DTD1: variants seen among roughly 807,000 people sequenced by gnomAD.
DTD1 encodes D-aminoacyl-tRNA deacylase 1, also known as D-tyrosyl-tRNA deacylase 1 homolog.
DTD1 carries 13 observed loss-of-function variants against 25.6 expected under a neutral mutation model. The observed-to-expected ratio is 0.51, with a 90% CI of 0.33 to 0.81. The LOEUF (loss-of-function observed/expected upper bound fraction) is 0.81. Among genes scored for constraint, DTD1 ranks in the 30% least tolerant of loss-of-function variants. DTD1 has a pLI of 0.02. For synonymous variants in DTD1, 110 were observed against 103.6 expected (o/e 1.06, Z -0.37); for missense variants, 193 against 266.4 (o/e 0.72, Z 1.92).
intron 4 of DTD1, among the ~76,000 whole-genome samples, chr20:18,641,747 T>C (rs1384876881): frequency 6.6e-6 from 1 of 152,220 alleles, no homozygotes; most frequent in East Asian, 1.9e-4. Flanking sequence ...AAGTTCTTTA[T>C]GTATTCTGTG....
intron 4 of DTD1, among the ~76,000 whole-genome samples, chr20:18,662,687 A>G (rs2060915949): frequency 6.6e-6 from 1 of 152,228 alleles, no homozygotes; most frequent in South Asian, 2.1e-4. Context: ...CAGTTGACCT[A>G]TATCCTATGT....
chr20:18,626,640 G>C (rs957313042), intron 3 of DTD1, among the ~76,000 whole-genome samples: 7 of 151,802 alleles, frequency 4.6e-5, no homozygotes, highest in Non-Finnish European at 8.8e-5. Context: ...TTCTTTTTGG[G>C]CGCTTTACCC....
chr20:18,726,677 G>T (rs1009762203), intron 4 of DTD1, among the ~76,000 whole-genome samples: 1 of 152,210 alleles, frequency 6.6e-6, no homozygotes, highest in African/African-American at 2.4e-5. Flanking sequence ...CAGCAAAGAA[G>T]ATCCAGACTT....
chr20:18,741,093 G>GTTT (rs2061276020), intron 4 of DTD1, among the ~76,000 whole-genome samples: 6 of 152,182 alleles, frequency 3.9e-5, no homozygotes, highest in Non-Finnish European at 8.8e-5. Flanking sequence ...TTTGTTACCA[G>GTTT]GCCATGGCGA....
At position 18,596,006 on chromosome 20, in the gene DTD1, G is replaced by A. The variant is rs756741664; in HGVS notation, c.135G>A (p.Met45Ile). Reference protein sequence around the residue: ...LEDTQKELEHMVRKILNLRVF... With the variant: ...LEDTQKELEHIVRKILNLRVF... ...CTCTCACTGCTCTTTTTCCCCTTAG[G>A]GTCCGAAAGATTCTAAACCTGCGTG... The change falls in exon 3 of 6, where the codon ATG (methionine) becomes ATA (isoleucine). Residue 45 changes from methionine to isoleucine, a missense_variant and splice_region_variant. Coordinates refer to ENST00000377452, the MANE Select transcript of DTD1 (RefSeq NM_080820.6). 1.2e-6 allele frequency: 2 copies of A among 1,613,834 alleles called. No homozygotes were observed. The highest frequency in any genetic ancestry group is 1.7e-6 in the Non-Finnish European group (2 of 1,179,798).
At chr20:18,683,666 T>G (rs2061005703) in intron 4 of DTD1, among the ~76,000 whole-genome samples, 1 of 152,202 alleles carries the variant, frequency 6.6e-6, no homozygotes, top group African/African-American at 2.4e-5. Flanking sequence ...GAGCCACTGC[T>G]TTTTGCAATT....
At chr20:18,692,207 T>TC (rs2061050304) in intron 4 of DTD1, among the ~76,000 whole-genome samples, 1 of 152,204 alleles carries the variant, frequency 6.6e-6, no homozygotes, top group African/African-American at 2.4e-5. Context: ...CTTAATGATC[T>TC]CCATCTTTCA....
chr20:18,600,852 G>C (rs533736500), intron 3 of DTD1, among the ~76,000 whole-genome samples: 1 of 152,016 alleles, frequency 6.6e-6, no homozygotes, highest in African/African-American at 2.4e-5. Flanking sequence ...ATTCTGAGGG[G>C]TGCTAATGTA....
At position 18,628,081 on chromosome 20, in the gene DTD1, A is replaced by G. The variant is rs774644461; in HGVS notation, c.371-46A>G. On this transcript the variant is annotated intron_variant, in intron 3 of 5. Coordinates refer to ENST00000377452, the MANE Select transcript of DTD1 (RefSeq NM_080820.6). Reference sequence around the variant, plus strand: ...AATACAGTGTGCTTTTGGATGGAGTAATCTGGTGTCTCCATCTTTGGTAAC... The same window carrying G: ...AATACAGTGTGCTTTTGGATGGAGTGATCTGGTGTCTCCATCTTTGGTAAC... 5.3e-6 allele frequency: 8 copies of G among 1,500,812 alleles called. 1 individual carries two copies. The South Asian group carries it at 9.0e-5, about 17-fold the overall frequency. 93.0% of individuals were successfully genotyped at this position (1,500,812 alleles called of 1,614,324 possible).
chr20:18,729,320 G>C (rs2061232833), intron 4 of DTD1, among the ~76,000 whole-genome samples: 1 of 152,204 alleles, frequency 6.6e-6, no homozygotes, highest in Non-Finnish European at 1.5e-5. Flanking sequence ...TTTTGTCGTG[G>C]TTTGCTAACA....
intron 5 of DTD1, among the ~76,000 whole-genome samples, chr20:18,745,534 G>C (rs2061296686): frequency 6.6e-6 from 1 of 152,194 alleles, no homozygotes; most frequent in African/African-American, 2.4e-5. Context: ...AGGCCCCTCA[G>C]AGGCCTGGGA....
intron 3 of DTD1, among the ~76,000 whole-genome samples, chr20:18,614,659 C>T (rs1484788397): frequency 2.0e-5 from 3 of 152,058 alleles, no homozygotes; most frequent in East Asian, 3.9e-4. Context: ...CAAAGACAGC[C>T]GGGAGAGAGA....
intron 3 of DTD1, among the ~76,000 whole-genome samples, chr20:18,603,649 C>G (rs2060645344): frequency 8.8e-6 from 1 of 113,504 alleles, no homozygotes; most frequent in African/African-American, 3.2e-5. Context: ...TACATGGAAA[C>G]TGAACAACCT....
intron 4 of DTD1, among the ~76,000 whole-genome samples, chr20:18,634,881 G>T (rs1402389711): frequency 6.6e-6 from 1 of 152,200 alleles, no homozygotes; most frequent in Non-Finnish European, 1.5e-5. Flanking sequence ...CATCACAGGT[G>T]CACAGAGGGG....
At chr20:18,634,754 TTTTA>T (rs1478075839) in intron 4 of DTD1, among the ~76,000 whole-genome samples, 3 of 152,124 alleles carry the variant, frequency 2.0e-5, no homozygotes, top group East Asian at 3.9e-4. Flanking sequence ...TTACATTTGG[TTTTA>T]TTTATTTATA....
chr20:18,733,100 G>A (rs1600395836), intron 4 of DTD1, among the ~76,000 whole-genome samples: 1 of 152,192 alleles, frequency 6.6e-6, no homozygotes, highest in East Asian at 1.9e-4. Flanking sequence ...GGGAGGCCAA[G>A]GGAGGAAAGC....
At chr20:18,588,426 C>G (rs925465975) in intron 1 of DTD1, among the ~76,000 whole-genome samples, 1 of 152,228 alleles carries the variant, frequency 6.6e-6, no homozygotes, top group Non-Finnish European at 1.5e-5. Flanking sequence ...GATGGCGGAG[C>G]CTCGGAGCAT....
At chr20:18,745,749 TAG>T (rs972282218) in intron 5 of DTD1, among the ~76,000 whole-genome samples, 3 of 151,994 alleles carry the variant, frequency 2.0e-5, no homozygotes, top group African/African-American at 7.3e-5. Flanking sequence ...TCTCTGAACT[TAG>T]AGAAATAGGA....
chr20:18,703,497 T>C (rs1220005870), intron 4 of DTD1, among the ~76,000 whole-genome samples: 1 of 152,138 alleles, frequency 6.6e-6, no homozygotes, highest in Non-Finnish European at 1.5e-5. Context: ...TCTTCTCTCT[T>C]TCTGGAAAGC....
Sources: allele counts gnomAD v4.1 joint callset (sites outside exome capture counted in the v4.1 genomes callset), GRCh38; gene constraint gnomAD v4.1.1; transcripts MANE v1.5; gene names NCBI Gene and HGNC (gene_info 2026-07-23, HGNC 2026-07-21).